Variants in POLN observed in about 807,000 individuals in gnomAD.
POLN encodes the protein DNA polymerase N.
A neutral mutation model predicts 113.5 loss-of-function variants in POLN; 108 were observed. That is an observed-to-expected ratio of 0.95 (90% CI 0.81 to 1.12). The LOEUF is 1.12. POLN is among the 50% of genes most tolerant of loss of function. The probability of loss-of-function intolerance (pLI) is 0.00; values close to 1 mark genes in which losing one functional copy is unlikely to be tolerated. For synonymous variants in POLN, 386 were observed against 391.5 expected, an observed-to-expected ratio of 0.99 and a Z score of 0.17; for missense variants, 1,097 against 1,077.1, an observed-to-expected ratio of 1.02 and a Z score of -0.26.
rs1223365755 is a variant in POLN, at chr4:2,207,991, T to C, written c.710A>G (p.Asp237Gly). The change falls in exon 5 of 26, where the codon GAC becomes GGC. Residue 237 changes from aspartate to glycine, a missense_variant. Physicochemically the swap from Asp to Gly is moderately conservative, Grantham distance 94 (BLOSUM62 -1). Transcript: ENST00000511885. Reference sequence around the variant, plus strand: ...AAAACATCACTGTTTACTAACCTGGTCAGCTCCTAGCTGGGTGGAACCATC... The same window carrying C: ...AAAACATCACTGTTTACTAACCTGGCCAGCTCCTAGCTGGGTGGAACCATC... ...YTDGSTQLGA[D>G]QTPVSSVRGI... is the part of the protein sequence containing the mutation. 6.3e-7 allele frequency: 1 copy of C among 1,597,898 alleles called. No individual in the cohort carries two copies. Among genetic ancestry groups the C allele is most frequent in the East Asian group, 2.2e-5 (1 of 44,696 alleles).
Position 2,085,740 on chromosome 4 carries a change from C to G in POLN, c.2070G>C (p.Lys690Asn). 1 of 1,613,714 alleles carries G rather than the reference C, an allele frequency of 6.2e-7. No homozygotes were observed. The highest frequency in any genetic ancestry group is 1.1e-5 in the South Asian group (1 of 91,080). Residue 690 changes from lysine to asparagine, a missense_variant, in exon 21 of 26, where the codon AAG (lysine) becomes AAC (asparagine). Coordinates refer to ENST00000511885, the MANE Select transcript of POLN (RefSeq NM_181808.4). Reference sequence around the variant, plus strand: ...CTCCAAGGCAAGCAGCCAGCCGCTCCTTCCCTGTCAGTCAGAGAGACGCAT... The same window carrying G: ...CTCCAAGGCAAGCAGCCAGCCGCTCGTTCCCTGTCAGTCAGAGAGACGCAT... ...VVYAVVYGAG[K>N]ERLAACLGVP...
intron 19 of POLN, among the ~76,000 whole-genome samples, chr4:2,120,322 C>T (rs1731409046): frequency 6.6e-6 from 1 of 152,054 alleles, no homozygotes; most frequent in Non-Finnish European, 1.5e-5. Flanking sequence ...CACTATAAAC[C>T]TATGGACCAA....
chr4:2,072,882 T>C lies in POLN; in HGVS notation c.2517+86A>G, dbSNP rs1007538689. ...CCATCTCGGGGCTGGGGCTGCACCCTTTGGCCTGGCTCTTTTGCCCTGGGG... is the reference window on the plus strand; with the variant it reads ...CCATCTCGGGGCTGGGGCTGCACCCCTTGGCCTGGCTCTTTTGCCCTGGGG... On this transcript the variant is annotated intron_variant, in intron 25 of 25. Transcript: ENST00000511885. 7 of 1,434,292 alleles carry C rather than the reference T, an allele frequency of 4.9e-6. No homozygotes were observed. The South Asian group carries it at 6.9e-5, about 14-fold the overall frequency. The allele number at this position is 1,434,292 out of a possible 1,614,324, so 88.8% of individuals were successfully genotyped here. A position where few individuals can be genotyped will look rare whatever the true frequency, so the allele number is the denominator to read the frequency against.
At chr4:2,086,327 G>T (rs1730548945) in intron 20 of POLN, among the ~76,000 whole-genome samples, 1 of 151,948 alleles carries the variant, frequency 6.6e-6, no homozygotes, top group South Asian at 2.1e-4. Flanking sequence ...AACAAGAAAA[G>T]AAAAAAAGGA....
intron 12 of POLN, 84 bp from the exon 13 acceptor site, chr4:2,170,858 A>G: frequency 8.1e-7 from 1 of 1,241,762 alleles, no homozygotes; most frequent in Middle Eastern, 1.9e-4. Flanking sequence ...CCATGCCAAC[A>G]GCCAGAGAAG....
rs1459267181 is a variant in POLN, at chr4:2,081,684, G to A, written c.2257C>T (p.Gln753Ter). 2 of 1,614,072 alleles carry A rather than the reference G, an allele frequency of 1.2e-6. No homozygotes were observed. The highest frequency in any genetic ancestry group is 2.7e-5 in the African/African-American group (2 of 74,918). Residue 753 changes from glutamine to a stop codon, truncating the protein, a stop_gained, in exon 22 of 26, where the codon CAG becomes TAG. Coordinates refer to ENST00000511885, the MANE Select transcript of POLN (RefSeq NM_181808.4). LOFTEE classifies it high-confidence loss of function. ...RPLPRIHAHD[Q>*]QLRAQAERQA... ...CGCTCTGCTTGTGCCCGGAGTTGCT[G>A]GTCATGAGCGTGAATCCTTGGCAGG...
intron 8 of POLN, among the ~76,000 whole-genome samples, chr4:2,178,562 G>C (rs1164507110): frequency 6.6e-6 from 1 of 151,938 alleles, no homozygotes; most frequent in African/African-American, 2.4e-5. Context: ...GGTGCTTCCT[G>C]ATAACTAGGG....
At chr4:2,206,515 T>C (rs1397585665) in intron 5 of POLN, among the ~76,000 whole-genome samples, 2 of 152,178 alleles carry the variant, frequency 1.3e-5, no homozygotes, top group Non-Finnish European at 2.9e-5. Context: ...AAAGGACTAA[T>C]ATCCAGAATC....
chr4:2,135,410 C>A (rs548301677), intron 16 of POLN, among the ~76,000 whole-genome samples: 1 of 152,178 alleles, frequency 6.6e-6, no homozygotes, highest in Admixed American at 6.5e-5. Flanking sequence ...TGGCACTGTG[C>A]GCCAACCAGA....
chr4:2,082,644 T>C (rs555840236), intron 21 of POLN: 2 of 152,344 alleles, frequency 1.3e-5, no homozygotes, highest in South Asian at 4.1e-4. Flanking sequence ...CCCACATCTA[T>C]AATAATCATG....
At chr4:2,193,142 A>G in intron 7 of POLN, 62 bp downstream of exon 7, 2 of 1,285,626 alleles carry the variant, frequency 1.6e-6, no homozygotes, top group Non-Finnish European at 2.2e-6. Flanking sequence ...CCATTCTCCC[A>G]TTCATAGGAG....
intron 4 of POLN, among the ~76,000 whole-genome samples, chr4:2,211,627 T>A (rs1733995635): frequency 6.6e-6 from 1 of 151,728 alleles, no homozygotes. Context: ...AATACAAAAA[T>A]TAGCTGGGCA....
Position 2,208,250 on chromosome 4 carries a change from T to G in POLN, c.451A>C (p.Ser151Arg). Residue 151 changes from serine (S) to arginine (R), a missense_variant, in exon 5 of 26, where the codon AGC becomes CGC. By Grantham distance (110) the Ser-to-Arg change is moderately radical. Coordinates refer to ENST00000511885, the MANE Select transcript of POLN (RefSeq NM_181808.4). ...MENINNENKG[S>R]INLKRKHITY... The stretch of plus-strand genomic sequence containing the variant: ...ATATGTTTTCTTTTAAGATTAATGC[T>G]TCCTTTATTTTCATTATTTATATTC... 6.3e-7 allele frequency: 1 copy of G among 1,585,056 alleles called. No homozygotes were observed. The highest frequency in any genetic ancestry group is 8.6e-7 in the Non-Finnish European group (1 of 1,159,542).
intron 13 of POLN, among the ~76,000 whole-genome samples, chr4:2,161,279 C>T (rs886301901): frequency 1.3e-5 from 2 of 152,330 alleles, no homozygotes; most frequent in Non-Finnish European, 2.9e-5. Context: ...GGGAGAGGCA[C>T]GAGCGGGAAC....
At chr4:2,090,841 G>A (rs1421272424) in intron 20 of POLN, among the ~76,000 whole-genome samples, 1 of 152,180 alleles carries the variant, frequency 6.6e-6, no homozygotes, top group African/African-American at 2.4e-5. Flanking sequence ...TGCATAGTTA[G>A]GGGTCAGCCA....
intron 5 of POLN, among the ~76,000 whole-genome samples, chr4:2,204,153 G>T (rs55935826): frequency 0.024 from 3,480 of 144,632 alleles, 61 homozygotes; most frequent in Non-Finnish European, 0.034. Context: ...GAAACAAAAG[G>T]CTGGTTCTTT....
intron 13 of POLN, among the ~76,000 whole-genome samples, chr4:2,163,027 C>CAAAAAAAAAA (rs66769262): frequency 1.8e-4 from 12 of 66,554 alleles, no homozygotes; most frequent in African/African-American, 5.5e-4. Flanking sequence ...CAGTTCCTAC[C>CAAAAAAAAAA]AAAAAAAAAA....
At chr4:2,190,233 T>C (rs1000040089) in intron 7 of POLN, among the ~76,000 whole-genome samples, 1 of 152,000 alleles carries the variant, frequency 6.6e-6, no homozygotes, top group African/African-American at 2.4e-5. Context: ...TGGAACAGAA[T>C]AGAGACCCCA....
intron 19 of POLN, among the ~76,000 whole-genome samples, chr4:2,100,238 G>C (rs182361874): frequency 6.6e-6 from 1 of 152,172 alleles, no homozygotes; most frequent in Admixed American, 6.5e-5. Flanking sequence ...TCTGGTTTTT[G>C]TTATTTTGAT....
Sources: gnomAD v4.1 joint callset for allele counts (sites outside exome capture counted in the v4.1 genomes callset) on GRCh38, gnomAD v4.1.1 for gene constraint, MANE v1.5 for transcripts, NCBI Gene and HGNC (gene_info 2026-07-23, HGNC 2026-07-21) for gene names.